Variants in MGAT4C observed in about 807,000 individuals in gnomAD.
MGAT4C encodes alpha-1,3-mannosyl-glycoprotein 4-beta-N-acetylglucosaminyltransferase C.
MGAT4C carries 19 observed loss-of-function variants against 40.1 expected under a neutral mutation model. That is an observed-to-expected ratio of 0.47 (90% confidence interval 0.33 to 0.70). The LOEUF (loss-of-function observed/expected upper bound fraction) is 0.70. MGAT4C is among the 30% of genes least tolerant of loss of function. The pLI is 0.02. For synonymous variants in MGAT4C, 181 were observed against 187.1 expected, an observed-to-expected ratio of 0.97 and a Z score of 0.27; for missense variants, 491 against 563.2, an observed-to-expected ratio of 0.87 and a Z score of 1.30.
At chr12:86,442,751 C>T (rs1040928693) in intron 2 of MGAT4C, among the ~76,000 whole-genome samples, 1 of 114,190 alleles carries the variant, frequency 8.8e-6, no homozygotes, top group Non-Finnish European at 1.8e-5. Flanking sequence ...GACTGGTCAA[C>T]AAAGAGCAAA....
intron 1 of MGAT4C, among the ~76,000 whole-genome samples, chr12:86,162,787 A>G (rs992951803): frequency 3.3e-5 from 5 of 152,252 alleles, no homozygotes; most frequent in African/African-American, 1.2e-4. Context: ...AAATTTGCAT[A>G]GAAGCTAAAT....
intron 3 of MGAT4C, among the ~76,000 whole-genome samples, chr12:86,337,119 A>C (rs997347124): frequency 3.9e-5 from 6 of 152,140 alleles, no homozygotes; most frequent in Admixed American, 2.0e-4. Context: ...ATGATCGATG[A>C]TGATGATGAT....
At chr12:86,502,710 C>CAT (rs1198376644) in intron 2 of MGAT4C, among the ~76,000 whole-genome samples, 42 of 144,888 alleles carry the variant, frequency 2.9e-4, no homozygotes, top group African/African-American at 1.0e-3. Context: ...GAGATCTGCT[C>CAT]ATATATATAT....
intron 3 of MGAT4C, among the ~76,000 whole-genome samples, chr12:86,341,241 C>A (rs1438062619): frequency 1.3e-5 from 2 of 152,110 alleles, no homozygotes; most frequent in African/African-American, 4.8e-5. Context: ...TGAGCCACCC[C>A]AGGAAACTAT....
chr12:86,637,990 A>G (rs1433556429), intron 2 of MGAT4C, among the ~76,000 whole-genome samples: 1 of 151,914 alleles, frequency 6.6e-6, no homozygotes. Flanking sequence ...GAACATGGCC[A>G]AGCAGCATGT....
chr12:86,823,603 C>T (rs112122492), intron 1 of MGAT4C, among the ~76,000 whole-genome samples: 1,700 of 150,292 alleles, frequency 0.011, 27 homozygotes, highest in African/African-American at 0.038. Context: ...AATCATAAAA[C>T]TATCAAAAAA....
intron 1 of MGAT4C, among the ~76,000 whole-genome samples, chr12:86,100,742 C>A (rs963182066): frequency 1.3e-5 from 2 of 151,394 alleles, no homozygotes; most frequent in Non-Finnish European, 3.0e-5. Context: ...ATGTAAGGAA[C>A]AATACTGTCA....
At chr12:86,084,314 A>G (rs1871351157) in intron 1 of MGAT4C, among the ~76,000 whole-genome samples, 2 of 152,028 alleles carry the variant, frequency 1.3e-5, no homozygotes, top group South Asian at 4.1e-4. Context: ...GTGTGAAATT[A>G]ATTTTCCTGC....
chr12:86,750,986 G>T (rs549570788), intron 1 of MGAT4C, among the ~76,000 whole-genome samples: 10 of 152,052 alleles, frequency 6.6e-5, no homozygotes, highest in African/African-American at 2.4e-4. Context: ...TGAGAGGGTT[G>T]TAAGTTACCT....
chr12:86,692,507 C>T (rs1386787642), intron 2 of MGAT4C, among the ~76,000 whole-genome samples: 7 of 152,108 alleles, frequency 4.6e-5, no homozygotes, highest in African/African-American at 1.7e-4. Flanking sequence ...GTTTATTTCT[C>T]TCCAATTTGT....
At chr12:86,067,530 G>A (rs1894663135) in intron 1 of MGAT4C, among the ~76,000 whole-genome samples, 1 of 151,846 alleles carries the variant, frequency 6.6e-6, no homozygotes, top group South Asian at 2.1e-4. Context: ...ACATAGGGAG[G>A]GGAACATCAC....
intron 1 of MGAT4C, among the ~76,000 whole-genome samples, chr12:86,071,480 A>G (rs1376526117): frequency 6.6e-6 from 1 of 152,090 alleles, no homozygotes; most frequent in Admixed American, 6.6e-5. Context: ...ACATCTGGCT[A>G]TTAACAGGTA....
At chr12:86,065,311 A>C (rs1894428632) in intron 1 of MGAT4C, among the ~76,000 whole-genome samples, 1 of 152,200 alleles carries the variant, frequency 6.6e-6, no homozygotes, top group Non-Finnish European at 1.5e-5. Flanking sequence ...AAAAATCCTC[A>C]ATAAAATATT....
chr12:86,591,287 A>G (rs1961318595), intron 2 of MGAT4C, among the ~76,000 whole-genome samples: 1 of 151,998 alleles, frequency 6.6e-6, no homozygotes, highest in Non-Finnish European at 1.5e-5. Context: ...CCTGGAAATT[A>G]AGTAGGGCAT....
intron 2 of MGAT4C, among the ~76,000 whole-genome samples, chr12:86,504,037 G>A (rs1274347014): frequency 6.6e-6 from 1 of 151,550 alleles, no homozygotes; most frequent in Non-Finnish European, 1.5e-5. Context: ...CATTTAAAAT[G>A]TAGGCTACCA....
At chr12:86,603,887 A>G (rs1227682891) in intron 2 of MGAT4C, among the ~76,000 whole-genome samples, 1 of 149,348 alleles carries the variant, frequency 6.7e-6, no homozygotes, top group Non-Finnish European at 1.5e-5. Context: ...TTAAGTACTT[A>G]TGGGACACAC....
intron 1 of MGAT4C, among the ~76,000 whole-genome samples, chr12:86,178,830 G>C (rs201008013): frequency 6.6e-6 from 1 of 152,102 alleles, no homozygotes; most frequent in Admixed American, 6.5e-5. Flanking sequence ...ATAATGCCTA[G>C]CTTATTTGAC....
At chr12:86,784,220 G>A (rs1396959656) in intron 1 of MGAT4C, among the ~76,000 whole-genome samples, 1 of 152,060 alleles carries the variant, frequency 6.6e-6, no homozygotes, top group African/African-American at 2.4e-5. Flanking sequence ...AGACTGACAA[G>A]CCTGTCTTTA....
intron 1 of MGAT4C, among the ~76,000 whole-genome samples, chr12:86,180,078 G>C (rs959193166): frequency 6.6e-6 from 1 of 152,178 alleles, no homozygotes; most frequent in Admixed American, 6.5e-5. Flanking sequence ...TTGGGACTTG[G>C]TGCCCTGTGT....
Sources: gnomAD v4.1 joint callset for allele counts (sites outside exome capture counted in the v4.1 genomes callset) on GRCh38, gnomAD v4.1.1 for gene constraint, MANE v1.5 for transcripts, NCBI Gene and HGNC (gene_info 2026-07-23, HGNC 2026-07-21) for gene names.